CDH8: variants seen among roughly 807,000 people sequenced by gnomAD.
CDH8 encodes cadherin 8.
A neutral mutation model predicts 68.1 loss-of-function variants in CDH8; 17 were observed. That is an observed-to-expected ratio of 0.25 (90% CI 0.17 to 0.37). The LOEUF is 0.37. Ranked by LOEUF, CDH8 falls within the 10% of genes least tolerant of loss-of-function variation. The probability of loss-of-function intolerance (pLI) is 1.00; values close to 1 mark genes in which losing one functional copy is unlikely to be tolerated. For missense variants in CDH8, 763 were observed against 999.3 expected, an observed-to-expected ratio of 0.76 and a Z score of 3.19; for synonymous variants, 372 against 365.1, an observed-to-expected ratio of 1.02 and a Z score of -0.21.
chr16:61,810,106 T>G (rs1961903998), intron 7 of CDH8, among the ~76,000 whole-genome samples: 1 of 152,188 alleles, frequency 6.6e-6, no homozygotes, highest in Non-Finnish European at 1.5e-5. Flanking sequence ...CAACTGCAAG[T>G]GAAGATGCTA....
At chr16:61,686,519 C>T (rs186573683) in intron 10 of CDH8, among the ~76,000 whole-genome samples, 1 of 152,046 alleles carries the variant, frequency 6.6e-6, no homozygotes. Context: ...AATTCCTGTG[C>T]ACTCTCTTTA....
In CDH8 at chr16:61,648,965, A is replaced by G. The variant is rs368693226; in HGVS notation, c.*4643T>C. The G allele has an allele frequency of 6.6e-6, 1 of 152,046 alleles. No individual in the cohort carries two copies. The highest frequency in any genetic ancestry group is 2.4e-5 in the African/African-American group (1 of 41,440). 9.4% of individuals were successfully genotyped at this position (152,046 alleles called of 1,614,324 possible). A position where few individuals can be genotyped will look rare whatever the true frequency, so the allele number is the denominator to read the frequency against. On this transcript the variant is annotated 3_prime_UTR_variant, in exon 12 of 12. Transcript: ENST00000577390. ...TTTTTAAATGATAGATCATAAAGAC[A>G]TGCTCTTCTACAATTATCATAAGAA...
At chr16:61,958,530 A>T (rs949843731) in intron 2 of CDH8, among the ~76,000 whole-genome samples, 3 of 152,142 alleles carry the variant, frequency 2.0e-5, no homozygotes, top group Non-Finnish European at 2.9e-5. Flanking sequence ...TTTATCTATG[A>T]TTCCACAGGG....
intron 2 of CDH8, among the ~76,000 whole-genome samples, chr16:61,906,775 C>T (rs968818664): frequency 6.6e-6 from 1 of 152,042 alleles, no homozygotes; most frequent in Non-Finnish European, 1.5e-5. Flanking sequence ...AAAAAGAAGA[C>T]AAAGGAATTT....
intron 10 of CDH8, among the ~76,000 whole-genome samples, chr16:61,680,197 C>T (rs994816342): frequency 1.1e-4 from 17 of 151,898 alleles, no homozygotes; most frequent in African/African-American, 3.6e-4. Flanking sequence ...CAAAACACTT[C>T]GGTGATTGTC....
intron 2 of CDH8, among the ~76,000 whole-genome samples, chr16:61,930,303 A>ACC (rs1731529589): frequency 6.6e-6 from 1 of 151,882 alleles, no homozygotes; most frequent in South Asian, 2.1e-4. Flanking sequence ...ACACACACAC[A>ACC]CACCCCTATG....
intron 8 of CDH8, among the ~76,000 whole-genome samples, chr16:61,736,345 T>C (rs370419055): frequency 6.6e-6 from 1 of 152,140 alleles, no homozygotes; most frequent in African/African-American, 2.4e-5. Context: ...TTGTTTTATA[T>C]GGCAATGAGC....
intron 9 of CDH8, among the ~76,000 whole-genome samples, chr16:61,722,255 C>T (rs1959226301): frequency 6.6e-6 from 1 of 150,690 alleles, no homozygotes; most frequent in African/African-American, 2.4e-5. Flanking sequence ...AGCTCTTTCT[C>T]ATTTTTTCCA....
At chr16:62,033,043 T>C (rs553372423) in intron 1 of CDH8, among the ~76,000 whole-genome samples, 1 of 152,322 alleles carries the variant, frequency 6.6e-6, no homozygotes, top group East Asian at 1.9e-4. Flanking sequence ...TTCTCATTCT[T>C]TGGAGTTTCT....
intron 2 of CDH8, among the ~76,000 whole-genome samples, chr16:62,008,824 G>T (rs553348846): frequency 6.6e-6 from 1 of 152,134 alleles, no homozygotes; most frequent in African/African-American, 2.4e-5. Flanking sequence ...AACATCTAAT[G>T]ATTTCTGAAA....
chr16:61,868,519 T>G (rs1361073767), intron 3 of CDH8, among the ~76,000 whole-genome samples: 1 of 152,152 alleles, frequency 6.6e-6, no homozygotes, highest in Non-Finnish European at 1.5e-5. Flanking sequence ...CTTCTTAGAG[T>G]TGAACCCAGT....
intron 8 of CDH8, among the ~76,000 whole-genome samples, chr16:61,754,985 A>T (rs1960274994): frequency 6.6e-6 from 1 of 152,082 alleles, no homozygotes; most frequent in Non-Finnish European, 1.5e-5. Flanking sequence ...TGTGTACCCA[A>T]TGTTTAGCTC....
At chr16:62,008,008 A>G (rs1901713169) in intron 2 of CDH8, among the ~76,000 whole-genome samples, 1 of 152,002 alleles carries the variant, frequency 6.6e-6, no homozygotes, top group African/African-American at 2.4e-5. Context: ...GCTGGAGTGC[A>G]GTGCTGCCAA....
chr16:61,810,840 T>C (rs1032542238), intron 7 of CDH8, among the ~76,000 whole-genome samples: 5 of 151,904 alleles, frequency 3.3e-5, no homozygotes, highest in Non-Finnish European at 5.9e-5. Context: ...CTGGCCAACA[T>C]AGTGAAACCT....
intron 10 of CDH8, among the ~76,000 whole-genome samples, chr16:61,698,829 GCATACGTCACC>G (rs1964373174): frequency 6.6e-6 from 1 of 152,104 alleles, no homozygotes; most frequent in Non-Finnish European, 1.5e-5. Context: ...TTCTAAGGAG[GCATACGTCACC>G]CATATAACAA....
intron 4 of CDH8, among the ~76,000 whole-genome samples, chr16:61,849,003 T>G (rs919950251): frequency 3.3e-5 from 5 of 151,998 alleles, no homozygotes; most frequent in African/African-American, 1.2e-4. Flanking sequence ...AATAGCTACT[T>G]TACTTGATAT....
intron 4 of CDH8, among the ~76,000 whole-genome samples, chr16:61,828,707 C>T (rs1962394323): frequency 1.3e-5 from 2 of 151,946 alleles, no homozygotes; most frequent in African/African-American, 4.8e-5. Flanking sequence ...TTTGATTCCT[C>T]TTACCAATGC....
chr16:61,960,027 C>CACAT lies in CDH8; in HGVS notation c.253-58555_253-58554insATGT, dbSNP rs1555524840. Reference sequence around the variant, plus strand: ...ATATATATATATATACACACATACACACACACACACAACATATATGTATGT... The same window carrying CACAT: ...ATATATATATATATACACACATACACACATACACACACACAACATATATGTATGT... On this transcript the variant is annotated intron_variant, in intron 2 of 11. Coordinates refer to ENST00000577390, the MANE Select transcript of CDH8 (RefSeq NM_001796.5). Among the ~76,000 whole-genome samples the CACAT allele has an allele frequency of 6.5e-5, 6 of 91,860 alleles. 1 individual carries two copies. The highest frequency in any genetic ancestry group is 9.4e-5 in the African/African-American group (2 of 21,242). 60.3% of individuals were successfully genotyped at this position (91,860 alleles called of 152,430 possible).
At chr16:61,702,816 C>T (rs1964458872) in intron 10 of CDH8, among the ~76,000 whole-genome samples, 1 of 152,210 alleles carries the variant, frequency 6.6e-6, no homozygotes, top group Non-Finnish European at 1.5e-5. Flanking sequence ...GCAGCTTTAG[C>T]AGCTTGGTAG....
Sources: allele counts gnomAD v4.1 joint callset (sites outside exome capture counted in the v4.1 genomes callset), GRCh38; gene constraint gnomAD v4.1.1; transcripts MANE v1.5; gene names NCBI Gene and HGNC (gene_info 2026-07-23, HGNC 2026-07-21).